Variants in POU3F3 observed in about 807,000 individuals in gnomAD.
POU3F3 encodes the protein POU class 3 homeobox 3, also known as POU domain, class 3, transcription factor 3.
POU3F3 carries 1 observed loss-of-function variant against 8.6 expected under a neutral mutation model. The ratio of observed to expected loss-of-function variants is 0.12; its 90% CI spans 0.04 to 0.55. POU3F3 has a LOEUF of 0.55. Ranked by LOEUF, POU3F3 falls within the 20% of genes least tolerant of loss-of-function variation. POU3F3 has a pLI of 0.91. For missense variants in POU3F3, 577 were observed against 690.7 expected (o/e 0.84, Z 1.84); for synonymous variants, 418 against 327.4 (o/e 1.28, Z -2.99).
At position 104,855,420 on chromosome 2, in the gene POU3F3, CGCGGCG is replaced by C. The variant is rs1184145745; in HGVS notation, c.-70_-65del. ...GGGGGAGGAGGCGGGAGGCGGGGGGCGCGGCGGCGGCGGCGGCGGCGGCGGCCGCGG... is the reference window on the plus strand; with the variant it reads ...GGGGGAGGAGGCGGGAGGCGGGGGGCGCGGCGGCGGCGGCGGCGGCCGCGG... On this transcript the variant is annotated 5_prime_UTR_variant, in exon 1 of 1. Transcript: ENST00000361360. The C allele has an allele frequency of 2.8e-4, 140 of 495,302 alleles. 1 individual carries two copies. Among genetic ancestry groups the C allele is most frequent in the Admixed American group, 2.8e-3 (25 of 9,026 alleles). The allele number at this position is 495,302 out of a possible 1,614,324, so 30.7% of individuals were successfully genotyped here.
chr2:104,869,885 T>G, the POU3F3 span: 1 of 152,176 alleles, frequency 6.6e-6, no homozygotes, highest in South Asian at 2.1e-4. Flanking sequence ...GTGTCCAGGG[T>G]CAGCAGGGAA....
At chr2:104,916,732 G>A in the POU3F3 span, among the ~76,000 whole-genome samples, 830 of 152,306 alleles carry the variant, frequency 5.4e-3, 11 homozygotes, top group African/African-American at 0.019. Context: ...GGGGATGGGA[G>A]TCCCAGGTAG....
the POU3F3 span, among the ~76,000 whole-genome samples, chr2:104,916,758 G>A: frequency 3.3e-5 from 5 of 152,156 alleles, no homozygotes; most frequent in East Asian, 9.6e-4. Context: ...ATGATCTGGG[G>A]CCATCTTAGA....
At chr2:104,868,309 C>T in the POU3F3 span, 1 of 456,702 alleles carries the variant, frequency 2.2e-6, no homozygotes, top group Non-Finnish European at 4.4e-6. Context: ...GGGCTAGGAG[C>T]AGGTGCAAGA....
At chr2:104,859,230 G>T (rs1238184381), downstream of POU3F3, among the ~76,000 whole-genome samples, 2 of 152,018 alleles carry the variant, frequency 1.3e-5, no homozygotes, top group Non-Finnish European at 2.9e-5. Flanking sequence ...CAGACTTAAG[G>T]TTCTATATTT....
chr2:104,891,635 G>A, the POU3F3 span, among the ~76,000 whole-genome samples: 4 of 152,190 alleles, frequency 2.6e-5, no homozygotes, highest in Admixed American at 1.3e-4. Context: ...GCAGAGCATG[G>A]CCATGAGTTT....
the POU3F3 span, among the ~76,000 whole-genome samples, chr2:104,876,674 G>T: frequency 2.0e-5 from 3 of 152,152 alleles, no homozygotes; most frequent in South Asian, 6.2e-4. Flanking sequence ...AAATGTAAAC[G>T]ACTGTGGAGA....
the POU3F3 span, among the ~76,000 whole-genome samples, chr2:104,868,766 A>T: frequency 6.6e-6 from 1 of 152,172 alleles, no homozygotes; most frequent in Admixed American, 6.5e-5. Flanking sequence ...CTGGTTACAA[A>T]CAGTGCAAAT....
chr2:104,912,059 A>G, the POU3F3 span, among the ~76,000 whole-genome samples: 2 of 152,164 alleles, frequency 1.3e-5, no homozygotes, highest in Admixed American at 6.5e-5. Context: ...TCACAGGCCC[A>G]AGCCCGGAGC....
chr2:104,872,298 C>T, the POU3F3 span: 1 of 456,664 alleles, frequency 2.2e-6, no homozygotes, highest in Non-Finnish European at 4.4e-6. The surrounding 1 kb of genome is among the most constrained non-coding windows in gnomAD (Gnocchi z 4.6). Flanking sequence ...CTCTTCGGGA[C>T]AACATTTGAA....
chr2:104,868,282 C>G, the POU3F3 span: 2 of 456,558 alleles, frequency 4.4e-6, no homozygotes, highest in Admixed American at 4.7e-5. Flanking sequence ...CAGTGAGGAG[C>G]TCAGGGCCCG....
the POU3F3 span, among the ~76,000 whole-genome samples, chr2:104,894,605 C>G: frequency 6.8e-6 from 1 of 147,990 alleles, no homozygotes. Flanking sequence ...CACCTCCTGA[C>G]CCAGGTGCCC....
rs1676533434 is a variant in POU3F3, at chr2:104,855,436, G to A, written c.-75G>A. On this transcript the variant is annotated 5_prime_UTR_variant, in exon 1 of 1. Coordinates refer to ENST00000361360, the MANE Select transcript of POU3F3 (RefSeq NM_006236.3). ...GGCGGGGGGCGCGGCGGCGGCGGCGGCGGCGGCGGCCGCGGCTGCTGCTGC... is the reference window on the plus strand; with the variant it reads ...GGCGGGGGGCGCGGCGGCGGCGGCGACGGCGGCGGCCGCGGCTGCTGCTGC... 2.6e-6 allele frequency: 2 copies of A among 769,934 alleles called. No homozygotes were observed. The highest frequency in any genetic ancestry group is 3.1e-6 in the Non-Finnish European group (2 of 640,156). The allele number at this position is 769,934 out of a possible 1,614,324, so 47.7% of individuals were successfully genotyped here.
At chr2:104,901,464 C>T in the POU3F3 span, among the ~76,000 whole-genome samples, 1 of 152,174 alleles carries the variant, frequency 6.6e-6, no homozygotes, top group Non-Finnish European at 1.5e-5. Flanking sequence ...TCTCTAGGCG[C>T]ACTGCCAACA....
chr2:104,871,496 G>C, the POU3F3 span, among the ~76,000 whole-genome samples: 4 of 152,102 alleles, frequency 2.6e-5, no homozygotes, highest in Non-Finnish European at 5.9e-5. Flanking sequence ...GTCATAATTG[G>C]TATTTAATTG....
At chr2:104,860,752 CTTTTTTTTTTTTTTTT>C (rs1178339577), downstream of POU3F3, among the ~76,000 whole-genome samples, 3 of 50,242 alleles carry the variant, frequency 6.0e-5, no homozygotes, top group Admixed American at 3.0e-4. Flanking sequence ...GTTGCTCTGC[CTTTTTTTTTTTTTTTT>C]TTTTTTTTTT....
the POU3F3 span, among the ~76,000 whole-genome samples, chr2:104,891,961 C>T: frequency 6.6e-6 from 1 of 152,128 alleles, no homozygotes; most frequent in Admixed American, 6.5e-5. Context: ...TTATAGCTCA[C>T]TAAAGAAGCA....
the POU3F3 span, among the ~76,000 whole-genome samples, chr2:104,921,824 T>C: frequency 6.6e-6 from 1 of 152,104 alleles, no homozygotes; most frequent in East Asian, 1.9e-4. Flanking sequence ...GGTGAAACCC[T>C]GTCTCTACTA....
the POU3F3 span, among the ~76,000 whole-genome samples, chr2:104,902,778 T>A: frequency 6.6e-6 from 1 of 152,204 alleles, no homozygotes; most frequent in Non-Finnish European, 1.5e-5. Context: ...GAAAAAATAA[T>A]TTTTATAATG....
Sources: gnomAD v4.1 joint callset for allele counts (sites outside exome capture counted in the v4.1 genomes callset) on GRCh38, gnomAD v4.1.1 for gene constraint, Gnocchi (gnomAD v3.1) non-coding constraint, MANE v1.5 for transcripts, NCBI Gene and HGNC (gene_info 2026-07-23, HGNC 2026-07-21) for gene names.